The following HIPK2 variants were observed in gnomAD, a reference collection of about 807,000 sequenced individuals.
The protein encoded by HIPK2 is homeodomain-interacting protein kinase 2.
Under a neutral mutation model 113.7 loss-of-function variants are expected in HIPK2, and 27 were observed. That is an observed-to-expected ratio of 0.24 (90% CI 0.17 to 0.33). The LOEUF is 0.33. Ranked by LOEUF, HIPK2 falls within the 10% of genes least tolerant of loss-of-function variation. HIPK2 has a pLI of 1.00. For synonymous variants in HIPK2, 631 were observed against 642.2 expected (o/e 0.98, Z 0.26); for missense variants, 1,257 against 1,588.0 (o/e 0.79, Z 3.54).
chr7:139,715,838 A>G, intron 2 of HIPK2, 94 bp downstream of exon 2: 2 of 1,495,552 alleles, frequency 1.3e-6, no homozygotes, highest in Non-Finnish European at 1.8e-6. Context: ...CTGTAGACAT[A>G]TAATTTTATC....
intron 2 of HIPK2, among the ~76,000 whole-genome samples, chr7:139,715,031 A>T (rs1167702071): frequency 4.0e-5 from 6 of 151,870 alleles, no homozygotes; most frequent in Non-Finnish European, 8.8e-5. Context: ...GCCTTTCCTG[A>T]CTCCAAAGCC....
chr7:139,692,016 A>G (rs1320805621), intron 2 of HIPK2, among the ~76,000 whole-genome samples: 1 of 152,202 alleles, frequency 6.6e-6, no homozygotes, highest in East Asian at 1.9e-4. Context: ...ATTTCTACGC[A>G]TTCATATATT....
intron 4 of HIPK2, 46 bp from the exon 5 acceptor site, chr7:139,629,085 C>A: frequency 6.8e-7 from 1 of 1,479,972 alleles, no homozygotes; most frequent in Non-Finnish European, 9.3e-7. Context: ...CTTAGCTCCT[C>A]ATCACTGGGA....
intron 13 of HIPK2, among the ~76,000 whole-genome samples, chr7:139,579,693 AG>A (rs1798605170): frequency 6.6e-6 from 1 of 151,604 alleles, no homozygotes; most frequent in Non-Finnish European, 1.5e-5. Flanking sequence ...TACAGGTGGA[AG>A]GGGGCCTTCC....
At position 139,624,502 on chromosome 7, in the gene HIPK2, C is replaced by T. The variant is rs1316016360; in HGVS notation, c.1619+2099G>A. The stretch of plus-strand genomic sequence containing the variant: ...ACTCTTGTTCTCAACCCAGTACAGC[C>T]ACTCATTCCCTGGACCGTCAAACCT... On this transcript the variant is annotated intron_variant, in intron 6 of 14. Coordinates refer to ENST00000406875, the MANE Select transcript of HIPK2 (RefSeq NM_022740.5). Among the ~76,000 whole-genome samples the T allele has an allele frequency of 2.0e-5, 3 of 152,190 alleles. No individual in the cohort carries two copies. In the East Asian group the frequency reaches 5.8e-4, roughly 29 times the overall value.
chr7:139,689,221 G>A (rs866227857), intron 2 of HIPK2, among the ~76,000 whole-genome samples: 3 of 152,116 alleles, frequency 2.0e-5, no homozygotes, highest in Non-Finnish European at 2.9e-5. Context: ...AACTGCTATC[G>A]GGAAAACTTA....
intron 2 of HIPK2, among the ~76,000 whole-genome samples, chr7:139,715,353 T>A (rs1795193441): frequency 6.6e-6 from 1 of 152,198 alleles, no homozygotes; most frequent in African/African-American, 2.4e-5. Context: ...CCTCCAGCCC[T>A]TCTGCACGTG....
intron 1 of HIPK2, among the ~76,000 whole-genome samples, chr7:139,752,289 T>C (rs975131556): frequency 6.6e-6 from 1 of 152,222 alleles, no homozygotes; most frequent in Non-Finnish European, 1.5e-5. Flanking sequence ...CTGGCTCCAG[T>C]GTCCCCCAGA....
chr7:139,655,186 T>C (rs1192094871), intron 2 of HIPK2, among the ~76,000 whole-genome samples: 2 of 152,206 alleles, frequency 1.3e-5, no homozygotes, highest in African/African-American at 4.8e-5. Flanking sequence ...GGTGCAGAGT[T>C]GATGACAAGG....
chr7:139,705,826 T>TAAAAAAAAAAAAAAAAAAAAAAAAAA (rs1010543995), intron 2 of HIPK2, among the ~76,000 whole-genome samples: 1 of 105,348 alleles, frequency 9.5e-6, no homozygotes, highest in Non-Finnish European at 2.0e-5. Context: ...AAAAGATTAG[T>TAAAAAAAAAAAAAAAAAAAAAAAAAA]AAAAAAAAAA....
At position 139,716,030 on chromosome 7, in the gene HIPK2, T is replaced by C. The variant is rs1169466583; in HGVS notation, c.1005A>G (p.Pro335=). 1 of 1,614,140 alleles carries C rather than the reference T, an allele frequency of 6.2e-7. No homozygotes were observed. Residue 335 remains proline (P), a synonymous_variant, in exon 2 of 15, where the codon CCA becomes CCG. Coordinates refer to ENST00000406875, the MANE Select transcript of HIPK2 (RefSeq NM_022740.5). The surrounding 1 kb of genome is among the most constrained non-coding windows in gnomAD (Gnocchi z 9.3). ...LKPENIMLVD[P]SRQPYRVKVI... is the part of the protein sequence containing the mutation. ...CCTTGACTCTGTATGGTTGTCTAGA[T>C]GGATCCACCAGCATGATGTTTTCTG...
rs376416847 is a variant in HIPK2, at chr7:139,716,901, C to A, written c.134G>T (p.Gly45Val). 6.2e-7 allele frequency: 1 copy of A among 1,613,730 alleles called. No individual in the cohort carries two copies. Among genetic ancestry groups the A allele is most frequent in the African/African-American group, 1.3e-5 (1 of 74,876 alleles). Residue 45 changes from glycine to valine, a missense_variant, in exon 2 of 15, where the codon GGC (glycine) becomes GTC (valine). Gly to Val is a moderately radical substitution (Grantham distance 109). Coordinates refer to ENST00000406875, the MANE Select transcript of HIPK2 (RefSeq NM_022740.5). This position sits in a 1 kb window ranked among gnomAD's most constrained non-coding sequence, Gnocchi z 9.3. ...PSSNWDMTGY[G>V]SHSKVYSQSK... ...CTGGCTATACACTTTGCTGTGGGAG[C>A]CGTACCCAGTCATGTCCCAGTTGGA...
At chr7:139,724,800 C>G (rs1164080000) in intron 1 of HIPK2, among the ~76,000 whole-genome samples, 1 of 149,960 alleles carries the variant, frequency 6.7e-6, no homozygotes, top group Non-Finnish European at 1.5e-5. Context: ...TTTGTCCTTG[C>G]GATAGTCTAC....
At chr7:139,746,696 A>C (rs1796196617) in intron 1 of HIPK2, among the ~76,000 whole-genome samples, 1 of 152,108 alleles carries the variant, frequency 6.6e-6, no homozygotes, top group African/African-American at 2.4e-5. Context: ...ACCTCTACTC[A>C]AACTAAAACT....
intron 2 of HIPK2, among the ~76,000 whole-genome samples, chr7:139,667,072 A>C (rs111789126): frequency 0.062 from 9,445 of 152,062 alleles, 984 homozygotes; most frequent in African/African-American, 0.21. Flanking sequence ...CTTAAAAAAA[A>C]AAAACAAAAC....
chr7:139,624,216 G>A lies in HIPK2; in HGVS notation c.1619+2385C>T, dbSNP rs879545990. 6.8e-4 allele frequency among the ~76,000 whole-genome samples: 103 copies of A among 152,232 alleles called. 1 individual carries two copies. The highest frequency in any genetic ancestry group is 5.1e-4 in the Non-Finnish European group (35 of 67,998). On this transcript the variant is annotated intron_variant, in intron 6 of 14. Transcript: ENST00000406875. ...TTTTTGTATTTTTAGTAGAGATGGG[G>A]TTTTACCATGCTGGCCAGGCTGGTC... is the stretch of plus-strand genomic sequence containing the variant.
At chr7:139,741,955 A>T (rs1585446446) in intron 1 of HIPK2, among the ~76,000 whole-genome samples, 1 of 152,190 alleles carries the variant, frequency 6.6e-6, no homozygotes, top group African/African-American at 2.4e-5. Flanking sequence ...CATTATTATC[A>T]TCCTCACCTT....
chr7:139,753,456 A>G (rs1344257831), intron 1 of HIPK2, among the ~76,000 whole-genome samples: 1 of 152,180 alleles, frequency 6.6e-6, no homozygotes, highest in Non-Finnish European at 1.5e-5. Flanking sequence ...TGAAGCTGGG[A>G]GTGGACGAGG....
At chr7:139,713,137 C>T (rs1015652949) in intron 2 of HIPK2, among the ~76,000 whole-genome samples, 3 of 152,030 alleles carry the variant, frequency 2.0e-5, no homozygotes, top group Non-Finnish European at 4.4e-5. Flanking sequence ...GACACAGGGG[C>T]CAGATGTGAC....
Sources: allele counts gnomAD v4.1 joint callset (sites outside exome capture counted in the v4.1 genomes callset), GRCh38; gene constraint gnomAD v4.1.1; non-coding constraint Gnocchi (gnomAD v3.1); transcripts MANE v1.5; gene names NCBI Gene and HGNC (gene_info 2026-07-23, HGNC 2026-07-21).